Variants in GLIS3 observed in about 807,000 individuals in gnomAD.
The protein encoded by GLIS3 is zinc finger protein GLIS3.
GLIS3 carries 53 observed loss-of-function variants against 78.6 expected under a neutral mutation model. That is an observed-to-expected ratio of 0.67 (90% CI 0.54 to 0.85). The LOEUF (loss-of-function observed/expected upper bound fraction) is 0.85. Among genes scored for constraint, GLIS3 ranks in the 40% least tolerant of loss-of-function variants. The pLI is 0.00. For missense variants in GLIS3, 1,703 were observed against 1,231.1 expected, an observed-to-expected ratio of 1.38 and a Z score of -5.74; for synonymous variants, 684 against 509.9, an observed-to-expected ratio of 1.34 and a Z score of -4.60.
chr9:4,198,088 A>T (rs1005354071), intron 2 of GLIS3, among the ~76,000 whole-genome samples: 12 of 152,350 alleles, frequency 7.9e-5, no homozygotes, highest in African/African-American at 2.9e-4. Flanking sequence ...TTCTAGCACC[A>T]AGAAATATCT....
At chr9:4,390,708 C>T in the GLIS3 span, among the ~76,000 whole-genome samples, 2 of 152,280 alleles carry the variant, frequency 1.3e-5, no homozygotes, top group South Asian at 2.1e-4. Context: ...GGTGGTGGCT[C>T]TTCCCCACCC....
intron 4 of GLIS3, among the ~76,000 whole-genome samples, chr9:3,981,595 G>A (rs1484911045): frequency 6.6e-6 from 1 of 152,128 alleles, no homozygotes; most frequent in Non-Finnish European, 1.5e-5. Flanking sequence ...GTCTTACTGA[G>A]AATGTCCCAT....
intron 4 of GLIS3, among the ~76,000 whole-genome samples, chr9:4,068,834 ATGTG>A (rs56232754): frequency 6.2e-4 from 93 of 149,744 alleles, no homozygotes; most frequent in African/African-American, 1.6e-3. Flanking sequence ...GCATGTATGC[ATGTG>A]TGTGTGTGTG....
intron 2 of GLIS3, among the ~76,000 whole-genome samples, chr9:4,263,578 C>A (rs773569878): frequency 2.0e-5 from 3 of 152,026 alleles, no homozygotes; most frequent in Admixed American, 6.5e-5. Context: ...ATTCATTCTA[C>A]AGATGTTTTA....
chr9:4,488,800 G>T, the GLIS3 span, among the ~76,000 whole-genome samples: 1 of 152,134 alleles, frequency 6.6e-6, no homozygotes, highest in Non-Finnish European at 1.5e-5. Context: ...TTACAGGTGT[G>T]AGCCATCGCG....
At chr9:3,898,106 TTTC>T (rs1433830837) in intron 7 of GLIS3, 4 of 167,944 alleles carry the variant, frequency 2.4e-5, no homozygotes, top group Admixed American at 1.1e-4. Flanking sequence ...ATATTAATCT[TTTC>T]TTATTTTTTT....
intron 8 of GLIS3, among the ~76,000 whole-genome samples, chr9:3,868,965 A>C (rs1409881109): frequency 6.6e-6 from 1 of 152,120 alleles, no homozygotes; most frequent in African/African-American, 2.4e-5. Flanking sequence ...GTATGCATCC[A>C]CAGGCCCCTA....
intron 7 of GLIS3, among the ~76,000 whole-genome samples, chr9:3,897,877 G>T (rs1220547759): frequency 1.3e-5 from 2 of 152,192 alleles, no homozygotes; most frequent in Non-Finnish European, 2.9e-5. Context: ...TCAGATGGGG[G>T]TGGGGGTAGT....
intron 4 of GLIS3, among the ~76,000 whole-genome samples, chr9:4,070,138 C>G (rs1211029910): frequency 2.0e-5 from 3 of 152,162 alleles, no homozygotes; most frequent in South Asian, 4.1e-4. Flanking sequence ...TTAATTCTCA[C>G]TACCTCTGCT....
intron 2 of GLIS3, among the ~76,000 whole-genome samples, chr9:4,130,277 A>T (rs991265366): frequency 6.6e-6 from 1 of 152,232 alleles, no homozygotes; most frequent in African/African-American, 2.4e-5. Flanking sequence ...AAGCGTTTTC[A>T]GGAGAGGAAT....
chr9:4,292,225 C>T (rs147587085), intron 1 of GLIS3, among the ~76,000 whole-genome samples: 70 of 152,124 alleles, frequency 4.6e-4, no homozygotes, highest in African/African-American at 1.0e-3. Flanking sequence ...AATTGTTCAA[C>T]GGAGAAAGCA....
chr9:4,154,770 G>C (rs781528758), intron 2 of GLIS3, among the ~76,000 whole-genome samples: 2 of 152,182 alleles, frequency 1.3e-5, no homozygotes, highest in Non-Finnish European at 2.9e-5. Flanking sequence ...AACACAGTCA[G>C]AGGTATTTAA....
At chr9:4,039,480 G>A (rs1824619926) in intron 4 of GLIS3, among the ~76,000 whole-genome samples, 1 of 152,098 alleles carries the variant, frequency 6.6e-6, no homozygotes, top group Non-Finnish European at 1.5e-5. Context: ...GCTCTGATGG[G>A]TCTCCAGCCC....
chr9:4,188,112 A>G (rs771345872), intron 2 of GLIS3, among the ~76,000 whole-genome samples: 3 of 151,564 alleles, frequency 2.0e-5, no homozygotes, highest in South Asian at 4.2e-4. Context: ...TTGCCCATTC[A>G]GTATGATATT....
intron 4 of GLIS3, among the ~76,000 whole-genome samples, chr9:3,950,075 C>G (rs1248005053): frequency 6.6e-6 from 1 of 152,218 alleles, no homozygotes; most frequent in Non-Finnish European, 1.5e-5. Flanking sequence ...GCAGCGCAGC[C>G]CCAAAGCCTA....
the GLIS3 span, among the ~76,000 whole-genome samples, chr9:4,376,257 A>C: frequency 6.6e-6 from 1 of 152,162 alleles, no homozygotes; most frequent in African/African-American, 2.4e-5. Flanking sequence ...GTTGGTGGGG[A>C]AAACTTACGA....
At chr9:4,103,703 T>G (rs10739033) in intron 4 of GLIS3, among the ~76,000 whole-genome samples, 105,845 of 152,036 alleles carry the variant, frequency 0.7, 39,243 homozygotes, top group East Asian at 0.96. Context: ...GGATACTGTT[T>G]TTAATGCCTA....
chr9:4,254,991 T>G (rs533260104), intron 2 of GLIS3, among the ~76,000 whole-genome samples: 1 of 151,164 alleles, frequency 6.6e-6, no homozygotes, highest in African/African-American at 2.4e-5. Flanking sequence ...ATATCCAAAA[T>G]ATATAAGGAA....
At chr9:4,050,962 T>C (rs1825710176) in intron 4 of GLIS3, among the ~76,000 whole-genome samples, 2 of 152,188 alleles carry the variant, frequency 1.3e-5, no homozygotes, top group Non-Finnish European at 2.9e-5. Context: ...ACTACAAAGA[T>C]TTATTTTTCC....
Sources: gnomAD v4.1 joint callset for allele counts (sites outside exome capture counted in the v4.1 genomes callset) on GRCh38, gnomAD v4.1.1 for gene constraint, MANE v1.5 for transcripts, NCBI Gene and HGNC (gene_info 2026-07-23, HGNC 2026-07-21) for gene names.